TERF2: variants seen among roughly 807,000 people sequenced by gnomAD.
TERF2 encodes the protein telomeric repeat binding factor 2.
TERF2 carries 16 observed loss-of-function variants against 56.1 expected under a neutral mutation model. That is an observed-to-expected ratio of 0.29 (90% CI 0.19 to 0.43). The LOEUF is 0.43. Ranked by LOEUF, TERF2 falls within the 20% of genes least tolerant of loss-of-function variation. The pLI, the probability that TERF2 is intolerant of heterozygous loss-of-function variation, is 1.00. For synonymous variants in TERF2, 296 were observed against 282.1 expected, an observed-to-expected ratio of 1.05 and a Z score of -0.50; for missense variants, 547 against 712.9, an observed-to-expected ratio of 0.77 and a Z score of 2.65.
intron 7 of TERF2, among the ~76,000 whole-genome samples, chr16:69,364,247 C>T (rs2013255749): frequency 6.6e-6 from 1 of 152,160 alleles, no homozygotes; most frequent in African/African-American, 2.4e-5. Flanking sequence ...TGCCTTCCCT[C>T]CTGATCCCAC....
intron 8 of TERF2, among the ~76,000 whole-genome samples, chr16:69,360,144 T>C (rs2013078111): frequency 6.6e-6 from 1 of 151,818 alleles, no homozygotes. Context: ...CCCAACACTT[T>C]GGGAGGCTGA....
intron 7 of TERF2, among the ~76,000 whole-genome samples, chr16:69,363,987 A>T (rs2013244046): frequency 6.6e-6 from 1 of 152,102 alleles, no homozygotes; most frequent in South Asian, 2.1e-4. Context: ...GTCTCAAGAA[A>T]AAAAGAAAAA....
Position 69,381,879 on chromosome 16 carries a change from A to G in TERF2, c.606+2701T>C, listed in dbSNP as rs963306677. Among the ~76,000 whole-genome samples the G allele has an allele frequency of 2.6e-5, 4 of 152,186 alleles. 1 individual carries two copies. The East Asian group carries it at 7.7e-4, about 29-fold the overall frequency. On this transcript the variant is annotated intron_variant, in intron 3 of 9. Transcript: ENST00000254942. ...CAGTTTTTGCTGCTTTACCAAAGAC[A>G]TTCTTTTTTAAATTTTTTTTTAATG... is the stretch of plus-strand genomic sequence containing the variant.
In TERF2 at chr16:69,356,455, C is replaced by G. The variant is rs1017966719; in HGVS notation, c.*443G>C. ...AGTGATGAAGTGGAAATGGGACCTC[C>G]CCCACGTCGAAGGAGGTTGCCCAAA... On this transcript the variant is annotated 3_prime_UTR_variant, in exon 10 of 10. Transcript: ENST00000254942. The G allele has an allele frequency of 3.7e-6, 1 of 268,008 alleles. No individual in the cohort carries two copies. Among genetic ancestry groups the G allele is most frequent in the East Asian group, 1.1e-4 (1 of 9,108 alleles). The allele number at this position is 268,008 out of a possible 1,614,324, so 16.6% of individuals were successfully genotyped here.
rs2014149460 is a variant in TERF2, at chr16:69,385,245, C to G, written c.475+146G>C. 7.4e-6 allele frequency: 5 copies of G among 678,550 alleles called. No homozygotes were observed. In the East Asian group the frequency reaches 1.4e-4, roughly 19 times the overall value. The allele number at this position is 678,550 out of a possible 1,614,324, so 42.0% of individuals were successfully genotyped here. ...CGGAGAAAACTAGAGCCAGTCGAGC[C>G]AGAAAACAGACCCATCGTAGAATGA... On this transcript the variant is annotated intron_variant, in intron 2 of 9. Transcript: ENST00000254942.
chr16:69,382,952 T>G (rs1387439265), intron 3 of TERF2, among the ~76,000 whole-genome samples: 2 of 152,174 alleles, frequency 1.3e-5, no homozygotes, highest in East Asian at 3.8e-4. Context: ...TGGTGGAGAC[T>G]GGAAAAGGAG....
At chr16:69,360,176 C>T (rs2013079678) in intron 8 of TERF2, among the ~76,000 whole-genome samples, 2 of 151,976 alleles carry the variant, frequency 1.3e-5, no homozygotes, top group Non-Finnish European at 2.9e-5. Context: ...CACTTGAGGT[C>T]AGGAGTTTGA....
At chr16:69,381,804 A>T (rs565791807) in intron 3 of TERF2, among the ~76,000 whole-genome samples, 2 of 152,276 alleles carry the variant, frequency 1.3e-5, no homozygotes, top group East Asian at 3.9e-4. Context: ...TCAACACACA[A>T]AATCCTGAAA....
chr16:69,359,627 A>ATTTTTTTTTTTTT lies in TERF2; in HGVS notation c.1426+1764_1426+1776dup, dbSNP rs564611021. Among the ~76,000 whole-genome samples, 4 of 72,588 alleles carry ATTTTTTTTTTTTT rather than the reference A, an allele frequency of 5.5e-5. 1 individual carries two copies. Among genetic ancestry groups the ATTTTTTTTTTTTT allele is most frequent in the African/African-American group, 1.9e-4 (3 of 16,134 alleles). The allele number at this position is 72,588 out of a possible 152,430, so 47.6% of individuals were successfully genotyped here. A position where few individuals can be genotyped will look rare whatever the true frequency, so the allele number is the denominator to read the frequency against. On this transcript the variant is annotated intron_variant, in intron 8 of 9. Coordinates refer to ENST00000254942, the MANE Select transcript of TERF2 (RefSeq NM_005652.5). ...AATCTTCCTCTTACTATCATTCCCA[A>ATTTTTTTTTTTTT]TTTTTTTTTTTTTTTTTTTTTTTTT...
At chr16:69,370,290 CA>C in intron 5 of TERF2, 192 bp downstream of exon 5, 1 of 720,808 alleles carries the variant, frequency 1.4e-6, no homozygotes. Context: ...CTGGGCCTCC[CA>C]AAGTGCTGGG....
chr16:69,384,574 C>T lies in TERF2; in HGVS notation c.606+6G>A, dbSNP rs1220799818. 1 of 1,612,230 alleles carries T rather than the reference C, an allele frequency of 6.2e-7. No homozygotes were observed. The highest frequency in any genetic ancestry group is 8.5e-7 in the Non-Finnish European group (1 of 1,179,544). On this transcript the variant is annotated splice_donor_region_variant and intron_variant, in intron 3 of 9. Transcript: ENST00000254942. ...AAAGAAAAAAGATATAAAAATAGAG[C>T]CTTACAGCTTCCTTGACCAGTTTTC...
chr16:69,357,542 A>T lies in TERF2; in HGVS notation c.1446T>A (p.Ser482Arg), dbSNP rs749364907. The change falls in exon 9 of 10, where the codon AGT (serine) becomes AGA (arginine). Residue 482 changes from serine (S) to arginine (R), a missense_variant. This residue lies in a region of TERF2 where 211 missense variants were observed against 236.8 expected (regional missense o/e 0.89). Coordinates refer to ENST00000254942, the MANE Select transcript of TERF2 (RefSeq NM_005652.5). ...FQVQAAPDED[S>R]TTNITKKQKW... ...CCTGCTTTTTTGTTATATTGGTTGT[A>T]CTGTCTTCATCTGGTGCTGCTGGAA... 3 of 1,613,742 alleles carry T rather than the reference A, an allele frequency of 1.9e-6. No homozygotes were observed. In the African/African-American group the frequency reaches 4.0e-5, roughly 22 times the overall value.
At chr16:69,367,967 G>T (rs2013412332) in intron 6 of TERF2, among the ~76,000 whole-genome samples, 1 of 152,202 alleles carries the variant, frequency 6.6e-6, no homozygotes, top group Non-Finnish European at 1.5e-5. Context: ...GGTCCACTTT[G>T]TTCCTTTAGG....
chr16:69,370,855 T>C (rs193215337), intron 4 of TERF2, among the ~76,000 whole-genome samples: 4 of 152,312 alleles, frequency 2.6e-5, no homozygotes, highest in Admixed American at 2.6e-4. Context: ...AAGTTCCTTA[T>C]ATGCTAACAT....
chr16:69,367,127 T>C lies in TERF2; in HGVS notation c.1020A>G (p.Ala340=), dbSNP rs777416151. 2.5e-6 allele frequency: 4 copies of C among 1,614,228 alleles called. No individual in the cohort carries two copies. Among genetic ancestry groups the C allele is most frequent in the Non-Finnish European group, 3.4e-6 (4 of 1,180,050 alleles). Residue 340 remains alanine (A), a synonymous_variant, in exon 7 of 10, where the codon GCA becomes GCG. Transcript: ENST00000254942. ...LKAAFKTLSG[A]QDSEAAFAKL... is the part of the protein sequence containing the mutation. ...TTGCAAAGGCTGCCTCAGAATCCTG[T>C]GCACCAGACAGAGTCTTGAAAGCTG... is the stretch of plus-strand genomic sequence containing the variant.
intron 4 of TERF2, among the ~76,000 whole-genome samples, chr16:69,371,297 G>A (rs1465139696): frequency 6.6e-6 from 1 of 151,342 alleles, no homozygotes; most frequent in African/African-American, 2.4e-5. Context: ...TCAGGAGTTT[G>A]AGACCAGCCT....
chr16:69,367,345 C>T (rs2142729008), intron 6 of TERF2, 146 bp from the exon 7 acceptor site: 2 of 900,978 alleles, frequency 2.2e-6, no homozygotes, highest in Non-Finnish European at 1.6e-6. Context: ...GAATTTAAAA[C>T]TCCAAGTTAG....
chr16:69,364,332 C>T (rs982573490), intron 7 of TERF2, among the ~76,000 whole-genome samples: 1 of 152,150 alleles, frequency 6.6e-6, no homozygotes, highest in Admixed American at 6.5e-5. Flanking sequence ...GGGGTCTCAT[C>T]AGGCCTTCCA....
intron 5 of TERF2, chr16:69,368,706 T>C: frequency 9.0e-7 from 1 of 1,108,948 alleles, no homozygotes; most frequent in Non-Finnish European, 1.2e-6. Context: ...AGAGGGAGTC[T>C]TGCTCTGTCG....
Sources: gnomAD v4.1 joint callset for allele counts (sites outside exome capture counted in the v4.1 genomes callset) on GRCh38, gnomAD v4.1.1 for gene constraint, gnomAD v4.1.1 regional missense constraint, MANE v1.5 for transcripts, NCBI Gene and HGNC (gene_info 2026-07-23, HGNC 2026-07-21) for gene names.